Variants in TMEM154 observed in about 807,000 individuals in gnomAD.
TMEM154 encodes the protein transmembrane protein 154.
Under a neutral mutation model 24.5 loss-of-function variants are expected in TMEM154, and 27 were observed. The ratio of observed to expected loss-of-function variants is 1.10; its 90% CI spans 0.81 to 1.52. The LOEUF is 1.52. Ranked by LOEUF, TMEM154 falls within the 40% of genes most tolerant of loss-of-function variation. The pLI is 0.00. For missense variants in TMEM154, 228 were observed against 213.4 expected (o/e 1.07, Z -0.43); for synonymous variants, 67 against 76.8 (o/e 0.87, Z 0.67).
chr4:152,625,496 A>C lies in TMEM154; in HGVS notation c.*3050T>G, dbSNP rs1751901733. 6.6e-6 allele frequency: 1 copy of C among 152,228 alleles called. No individual in the cohort carries two copies. The highest frequency in any genetic ancestry group is 2.1e-4 in the South Asian group (1 of 4,832). The allele number at this position is 152,228 out of a possible 1,614,324, so 9.4% of individuals were successfully genotyped here. On this transcript the variant is annotated 3_prime_UTR_variant, in exon 7 of 7. Transcript: ENST00000304385. ...TCAGGAGTTTGAGACCAGCCTGACC[A>C]ACATGGTGAAAACCCCATCTCTACT...
intron 6 of TMEM154, among the ~76,000 whole-genome samples, chr4:152,637,354 T>G (rs565386655): frequency 3.9e-5 from 6 of 152,300 alleles, no homozygotes; most frequent in African/African-American, 1.4e-4. Context: ...AAGGCCAGCC[T>G]GACCAATGTG....
chr4:152,679,955 C>T lies in TMEM154; in HGVS notation c.-22G>A, dbSNP rs1218175101. On this transcript the variant is annotated 5_prime_UTR_variant, in exon 1 of 7. Coordinates refer to ENST00000304385, the MANE Select transcript of TMEM154 (RefSeq NM_152680.3). ...GCATGTCCGCTCGCCTCGGCAGAGG[C>T]GCGCTCAGGATGCTGCGCCGGGCTG... The T allele has an allele frequency of 5.0e-6, 8 of 1,599,572 alleles. No individual in the cohort carries two copies. Among genetic ancestry groups the T allele is most frequent in the Non-Finnish European group, 6.8e-6 (8 of 1,173,104 alleles).
intron 5 of TMEM154, among the ~76,000 whole-genome samples, chr4:152,642,846 A>G (rs1212719093): frequency 6.6e-6 from 1 of 152,236 alleles, no homozygotes; most frequent in Non-Finnish European, 1.5e-5. Flanking sequence ...CTTGAATAAA[A>G]TACCATTTTC....
At chr4:152,632,001 G>GA (rs1197121565) in intron 6 of TMEM154, among the ~76,000 whole-genome samples, 1 of 151,262 alleles carries the variant, frequency 6.6e-6, no homozygotes, top group Admixed American at 6.6e-5. Context: ...TAGAGGTGGG[G>GA]TTTCACCATG....
chr4:152,679,784 C>G, intron 1 of TMEM154, 86 bp downstream of exon 1: 1 of 1,536,130 alleles, frequency 6.5e-7, no homozygotes. Flanking sequence ...TGGGTGTCAC[C>G]CTCCCCGGCA....
intron 1 of TMEM154, among the ~76,000 whole-genome samples, chr4:152,674,649 T>C (rs1483462122): frequency 6.6e-6 from 1 of 152,186 alleles, no homozygotes; most frequent in Admixed American, 6.5e-5. Flanking sequence ...TGAGGTCCAA[T>C]CATGGGCTCC....
chr4:152,635,263 G>A (rs1346103352), intron 6 of TMEM154, among the ~76,000 whole-genome samples: 1 of 152,168 alleles, frequency 6.6e-6, no homozygotes, highest in Non-Finnish European at 1.5e-5. Flanking sequence ...TCTTGCTGCT[G>A]AGTGTTCTTC....
intron 3 of TMEM154, among the ~76,000 whole-genome samples, chr4:152,648,703 G>A (rs931354536): frequency 2.6e-5 from 4 of 152,132 alleles, no homozygotes; most frequent in Admixed American, 6.5e-5. Context: ...GCTGGCTCTC[G>A]CTTGTAAATG....
chr4:152,644,676 T>G (rs1340244049), intron 3 of TMEM154, among the ~76,000 whole-genome samples: 1 of 152,180 alleles, frequency 6.6e-6, no homozygotes, highest in Non-Finnish European at 1.5e-5. Flanking sequence ...CTGAGAACGC[T>G]CACTTCAGAC....
intron 6 of TMEM154, among the ~76,000 whole-genome samples, chr4:152,636,922 T>C (rs6839283): frequency 0.13 from 19,097 of 152,280 alleles, 1,786 homozygotes; most frequent in African/African-American, 0.26. Flanking sequence ...ACATACTTTC[T>C]GAAGCATTAA....
At chr4:152,642,998 C>T in intron 5 of TMEM154, 90 bp downstream of exon 5, 2 of 978,122 alleles carry the variant, frequency 2.0e-6, no homozygotes, top group Non-Finnish European at 1.6e-6. Flanking sequence ...TTCTGTCTCA[C>T]TCCAGGATTT....
chr4:152,649,956 G>T (rs918995895), intron 3 of TMEM154, among the ~76,000 whole-genome samples: 4 of 152,196 alleles, frequency 2.6e-5, no homozygotes, highest in African/African-American at 9.7e-5. Flanking sequence ...TGTGTCTACA[G>T]AGACAATGTA....
chr4:152,621,341 C>A lies in TMEM154; in HGVS notation c.*7205G>T, dbSNP rs778276463. Reference sequence around the variant, plus strand: ...TAGAAGGAACTTGTGTCCTAGATGACCAGGGAGCGGCCATATGAGCTCACC... The same window carrying A: ...TAGAAGGAACTTGTGTCCTAGATGAACAGGGAGCGGCCATATGAGCTCACC... On this transcript the variant is annotated 3_prime_UTR_variant, in exon 7 of 7. Transcript: ENST00000304385. 6.6e-5 allele frequency: 10 copies of A among 152,188 alleles called. No individual in the cohort carries two copies. The highest frequency in any genetic ancestry group is 1.5e-4 in the Non-Finnish European group (10 of 68,042). 9.4% of individuals were successfully genotyped at this position (152,188 alleles called of 1,614,324 possible).
At position 152,679,942 on chromosome 4, in the gene TMEM154, G is replaced by A. The variant is rs772323943; in HGVS notation, c.-9C>T. On this transcript the variant is annotated 5_prime_UTR_variant, in exon 1 of 7. Coordinates refer to ENST00000304385, the MANE Select transcript of TMEM154 (RefSeq NM_152680.3). ...GCGCGGGGAGCCTGCATGTCCGCTC[G>A]CCTCGGCAGAGGCGCGCTCAGGATG... The A allele has an allele frequency of 3.1e-6, 5 of 1,606,476 alleles. No individual in the cohort carries two copies. The highest frequency in any genetic ancestry group is 4.2e-6 in the Non-Finnish European group (5 of 1,177,236).
intron 6 of TMEM154, among the ~76,000 whole-genome samples, chr4:152,635,983 T>C (rs1752141372): frequency 1.3e-5 from 2 of 152,316 alleles, no homozygotes; most frequent in South Asian, 4.1e-4. Context: ...TTGTCTGTGG[T>C]TATTCATCTG....
At chr4:152,646,921 C>G (rs1314621680) in intron 3 of TMEM154, 3 of 702,124 alleles carry the variant, frequency 4.3e-6, no homozygotes, top group Non-Finnish European at 7.8e-6. Flanking sequence ...AGTTTATCGC[C>G]CGCTGTTTTC....
chr4:152,660,186 TCTGCTTGGAGAACTA>T (rs70949608), intron 1 of TMEM154, among the ~76,000 whole-genome samples: 65,548 of 151,640 alleles, frequency 0.43, 14,634 homozygotes, highest in Admixed American at 0.6. Context: ...TTAAAATGAT[TCTGCTTGGAGAACTA>T]CTGCAGCCAG....
At chr4:152,631,505 C>T (rs373763573) in intron 6 of TMEM154, among the ~76,000 whole-genome samples, 1 of 152,066 alleles carries the variant, frequency 6.6e-6, no homozygotes, top group East Asian at 1.9e-4. Context: ...AAGATCTTAG[C>T]TCACTGCAGC....
intron 1 of TMEM154, among the ~76,000 whole-genome samples, chr4:152,672,645 G>C (rs779536627): frequency 6.6e-6 from 1 of 152,208 alleles, no homozygotes; most frequent in African/African-American, 2.4e-5. Flanking sequence ...TCTTCAAAGA[G>C]ACTGGGAGAC....
Sources: gnomAD v4.1 joint callset for allele counts (sites outside exome capture counted in the v4.1 genomes callset) on GRCh38, gnomAD v4.1.1 for gene constraint, MANE v1.5 for transcripts, NCBI Gene and HGNC (gene_info 2026-07-23, HGNC 2026-07-21) for gene names.